Variants in ADAMTSL3 observed in about 807,000 individuals in gnomAD.
ADAMTSL3 encodes the protein ADAMTS-like protein 3.
Under a neutral mutation model 201.7 loss-of-function variants are expected in ADAMTSL3, and 128 were observed. That is an observed-to-expected ratio of 0.63 (90% CI 0.55 to 0.73). The LOEUF (loss-of-function observed/expected upper bound fraction) is 0.73. Ranked by LOEUF, ADAMTSL3 falls within the 30% of genes least tolerant of loss-of-function variation. The pLI, the probability that ADAMTSL3 is intolerant of heterozygous loss-of-function variation, is 0.00. For synonymous variants in ADAMTSL3, 738 were observed against 748.4 expected (o/e 0.99, Z 0.23); for missense variants, 1,990 against 2,119.6 (o/e 0.94, Z 1.20).
intron 6 of ADAMTSL3, among the ~76,000 whole-genome samples, chr15:83,826,766 T>G (rs1279824379): frequency 6.6e-6 from 1 of 150,644 alleles, no homozygotes; most frequent in African/African-American, 2.4e-5. Flanking sequence ...CGGTGTTTGG[T>G]TTTTCGTCCT....
chr15:83,951,155 G>C lies in ADAMTSL3; in HGVS notation c.2490+8073G>C, dbSNP rs151230754. The stretch of plus-strand genomic sequence containing the variant: ...TCAGTATGATACTAGCTGTGGGTCT[G>C]TCATACATGGCTTTCATTGTGTTGA... On this transcript the variant is annotated intron_variant, in intron 19 of 29. Coordinates refer to ENST00000286744, the MANE Select transcript of ADAMTSL3 (RefSeq NM_207517.3). 4.6e-3 allele frequency among the ~76,000 whole-genome samples: 694 copies of C among 151,940 alleles called. 1 individual carries two copies. The highest frequency in any genetic ancestry group is 7.2e-3 in the Non-Finnish European group (488 of 67,940).
chr15:83,730,660 A>T (rs1374175916), intron 3 of ADAMTSL3, among the ~76,000 whole-genome samples: 2 of 151,808 alleles, frequency 1.3e-5, no homozygotes, highest in African/African-American at 4.8e-5. Context: ...AATTTCTTAT[A>T]TATTTTGGAT....
intron 9 of ADAMTSL3, among the ~76,000 whole-genome samples, chr15:83,878,298 A>G (rs2065212989): frequency 1.3e-5 from 2 of 152,180 alleles, no homozygotes; most frequent in Admixed American, 1.3e-4. Flanking sequence ...AAACCTACTT[A>G]GTCATTATTC....
chr15:83,768,992 C>T (rs77092811), intron 3 of ADAMTSL3, among the ~76,000 whole-genome samples: 7 of 152,132 alleles, frequency 4.6e-5, no homozygotes, highest in South Asian at 2.1e-4. Flanking sequence ...AGGTGCCATT[C>T]GTGCTCTACT....
At position 83,773,612 on chromosome 15, in the gene ADAMTSL3, A is replaced by T. The variant is rs766132062; in HGVS notation, c.279A>T (p.Gly93=). The change falls in exon 4 of 30, where the codon GGA becomes GGT. Residue 93 remains glycine, a synonymous_variant. Transcript: ENST00000286744. ...GTGACTGCTCCCGGACCTGTGGGGG[A>T]GGAGCATCATATTCTCTGCGGAGAT... ...DWSDCSRTCG[G]GASYSLRRCL... The T allele has an allele frequency of 3.1e-6, 5 of 1,612,282 alleles. No homozygotes were observed. In the Admixed American group the frequency reaches 8.4e-5, roughly 27 times the overall value.
chr15:83,876,515 G>C (rs530724343), intron 9 of ADAMTSL3, among the ~76,000 whole-genome samples: 1 of 152,210 alleles, frequency 6.6e-6, no homozygotes, highest in East Asian at 1.9e-4. Flanking sequence ...CTGTAATGTA[G>C]TTTATCAGCC....
At chr15:83,882,735 G>A (rs1015436807) in intron 9 of ADAMTSL3, among the ~76,000 whole-genome samples, 1 of 152,068 alleles carries the variant, frequency 6.6e-6, no homozygotes, top group Non-Finnish European at 1.5e-5. Context: ...ACCACTTTGA[G>A]GACTTGACTT....
intron 6 of ADAMTSL3, among the ~76,000 whole-genome samples, chr15:83,822,521 T>C (rs200771002): frequency 0.54 from 54,106 of 100,636 alleles, 14,257 homozygotes; most frequent in East Asian, 0.8. Context: ...CAGACGGGGT[T>C]GCGGCCGGGT....
intron 19 of ADAMTSL3, among the ~76,000 whole-genome samples, chr15:83,949,648 T>C (rs1346576613): frequency 6.6e-6 from 1 of 151,898 alleles, no homozygotes; most frequent in Non-Finnish European, 1.5e-5. Context: ...GGGTTCCCTT[T>C]TCTCCACATC....
intron 6 of ADAMTSL3, among the ~76,000 whole-genome samples, chr15:83,821,585 A>C (rs2063866342): frequency 2.0e-5 from 3 of 151,094 alleles, no homozygotes; most frequent in Admixed American, 6.6e-5. Context: ...ACAGGATCCC[A>C]AGGCAGAAGA....
At chr15:83,670,111 A>G (rs373246706) in intron 2 of ADAMTSL3, among the ~76,000 whole-genome samples, 3 of 151,846 alleles carry the variant, frequency 2.0e-5, no homozygotes, top group African/African-American at 7.2e-5. Flanking sequence ...TACAAAAATT[A>G]GCCAAGCTTG....
chr15:84,024,750 C>T (rs2068270681), intron 26 of ADAMTSL3, among the ~76,000 whole-genome samples: 1 of 152,184 alleles, frequency 6.6e-6, no homozygotes, highest in African/African-American at 2.4e-5. Flanking sequence ...GCAGGTTAGT[C>T]ATGTGGTCAT....
chr15:83,790,816 CA>C (rs1460099761), intron 4 of ADAMTSL3, among the ~76,000 whole-genome samples: 1 of 152,000 alleles, frequency 6.6e-6, no homozygotes, highest in Non-Finnish European at 1.5e-5. Context: ...GTCCTGGATA[CA>C]AAATAAAAAT....
chr15:83,971,489 G>C (rs1191458975), intron 20 of ADAMTSL3, among the ~76,000 whole-genome samples: 1 of 149,904 alleles, frequency 6.7e-6, no homozygotes, highest in African/African-American at 2.5e-5. Flanking sequence ...CCTGGGAGGC[G>C]GAGGTTGCAG....
At chr15:83,767,409 T>C (rs1197327063) in intron 3 of ADAMTSL3, among the ~76,000 whole-genome samples, 2 of 152,184 alleles carry the variant, frequency 1.3e-5, no homozygotes, top group African/African-American at 4.8e-5. Context: ...AAATAACAAC[T>C]TACCATATAA....
intron 3 of ADAMTSL3, among the ~76,000 whole-genome samples, chr15:83,731,359 A>G (rs1237461212): frequency 2.0e-5 from 3 of 152,068 alleles, no homozygotes; most frequent in Non-Finnish European, 4.4e-5. Flanking sequence ...CAATGACAAA[A>G]CATCTCATAT....
intron 3 of ADAMTSL3, among the ~76,000 whole-genome samples, chr15:83,729,557 A>G (rs1480007508): frequency 6.6e-6 from 1 of 151,458 alleles, no homozygotes; most frequent in Non-Finnish European, 1.5e-5. Context: ...GCATTCTTCT[A>G]TTTGTCAATT....
intron 2 of ADAMTSL3, among the ~76,000 whole-genome samples, chr15:83,680,608 A>G (rs1244195693): frequency 6.6e-6 from 1 of 151,386 alleles, no homozygotes; most frequent in Non-Finnish European, 1.5e-5. Context: ...CTTTAAGAAC[A>G]TCAATTTTCC....
chr15:83,678,413 G>A (rs1417985015), intron 2 of ADAMTSL3, among the ~76,000 whole-genome samples: 2 of 47,728 alleles, frequency 4.2e-5, no homozygotes, highest in African/African-American at 2.8e-4. Flanking sequence ...AGAATTATAG[G>A]CTAAGAGTTC....
Sources: gnomAD v4.1 joint callset for allele counts (sites outside exome capture counted in the v4.1 genomes callset) on GRCh38, gnomAD v4.1.1 for gene constraint, MANE v1.5 for transcripts, NCBI Gene and HGNC (gene_info 2026-07-23, HGNC 2026-07-21) for gene names.